Variants in GPHN observed in about 807,000 individuals in gnomAD.
The protein encoded by GPHN is gephyrin.
A neutral mutation model predicts 95.5 loss-of-function variants in GPHN; 17 were observed. The observed-to-expected ratio is 0.18, with a 90% CI of 0.12 to 0.27. The LOEUF (loss-of-function observed/expected upper bound fraction) is 0.27, where lower values mean the gene tolerates loss of function less well. Ranked by LOEUF, GPHN falls within the 10% of genes least tolerant of loss-of-function variation. The pLI, the probability that GPHN is intolerant of heterozygous loss-of-function variation, is 1.00. For missense variants in GPHN, 660 were observed against 978.1 expected (o/e 0.67, Z 4.34); for synonymous variants, 320 against 322.5 (o/e 0.99, Z 0.08).
At chr14:67,399,146 C>T in the GPHN span, among the ~76,000 whole-genome samples, 8 of 152,166 alleles carry the variant, frequency 5.3e-5, no homozygotes, top group Non-Finnish European at 8.8e-5. Flanking sequence ...AGGACTCTGA[C>T]AGTCTTACCT....
At chr14:67,186,234 G>C (rs1292786160), downstream of GPHN, among the ~76,000 whole-genome samples, 2 of 152,010 alleles carry the variant, frequency 1.3e-5, no homozygotes, top group African/African-American at 2.4e-5. Flanking sequence ...GAAGGAGAGA[G>C]ATTATGAGAA....
chr14:67,039,936 A>C (rs6573746), intron 10 of GPHN, among the ~76,000 whole-genome samples: 39,839 of 152,078 alleles, frequency 0.26, 10,707 homozygotes, highest in African/African-American at 0.66. Context: ...TACTGTGTGC[A>C]TAACATCTTT....
intron 1 of GPHN, among the ~76,000 whole-genome samples, chr14:66,623,987 C>T (rs546580142): frequency 6.6e-6 from 1 of 152,226 alleles, no homozygotes; most frequent in South Asian, 2.1e-4. Context: ...GGACACCAAC[C>T]CTGGAGCGAG....
At chr14:67,320,738 G>A in the GPHN span, among the ~76,000 whole-genome samples, 2 of 152,070 alleles carry the variant, frequency 1.3e-5, no homozygotes, top group African/African-American at 2.4e-5. Flanking sequence ...AGATTATATG[G>A]TACCTAATCT....
chr14:67,670,348 A>G, the GPHN span, among the ~76,000 whole-genome samples: 2,649 of 152,020 alleles, frequency 0.017, 32 homozygotes, highest in Non-Finnish European at 0.028. Context: ...CTACTTTCCC[A>G]CATACATTCT....
chr14:66,792,275 G>A (rs2059997554), intron 3 of GPHN, among the ~76,000 whole-genome samples: 1 of 152,154 alleles, frequency 6.6e-6, no homozygotes, highest in African/African-American at 2.4e-5. Context: ...ACCTCTGACA[G>A]GAGGATCACT....
the GPHN span, among the ~76,000 whole-genome samples, chr14:67,309,029 G>A: frequency 1.3e-5 from 2 of 152,022 alleles, no homozygotes; most frequent in Admixed American, 6.6e-5. Flanking sequence ...AGAAAATGTT[G>A]GGCTGGAAGA....
At chr14:66,939,877 T>A (rs1283117164) in intron 8 of GPHN, among the ~76,000 whole-genome samples, 1 of 152,138 alleles carries the variant, frequency 6.6e-6, no homozygotes, top group East Asian at 1.9e-4. Context: ...TCCAGTTGCA[T>A]GACCGTTTGG....
intron 1 of GPHN, among the ~76,000 whole-genome samples, chr14:66,605,786 C>A (rs1425173375): frequency 4.6e-5 from 7 of 152,100 alleles, no homozygotes; most frequent in Admixed American, 1.3e-4. Context: ...CCCGCCTCGG[C>A]CTCCCAAAGT....
chr14:67,645,920 T>G, the GPHN span: 1 of 1,168,334 alleles, frequency 8.6e-7, no homozygotes, highest in African/African-American at 1.5e-5. Flanking sequence ...ACTCCTTCAT[T>G]TGTTCATCAC....
At chr14:67,592,310 C>G in the GPHN span, 1 of 436,268 alleles carries the variant, frequency 2.3e-6, no homozygotes, top group Non-Finnish European at 4.3e-6. Flanking sequence ...CGAGATGGTG[C>G]ACACCTGTAG....
chr14:66,762,335 T>C (rs563323202), intron 2 of GPHN, among the ~76,000 whole-genome samples: 2 of 152,286 alleles, frequency 1.3e-5, no homozygotes, highest in South Asian at 4.1e-4. Context: ...CTACTTTCTC[T>C]TTAAGAATTA....
In GPHN at chr14:67,093,393, A is replaced by G. The variant is rs1030343115; in HGVS notation, c.1237+4318A>G. Among the ~76,000 whole-genome samples the G allele has an allele frequency of 9.2e-5, 14 of 152,162 alleles. No homozygotes were observed. In the East Asian group the frequency reaches 2.7e-3, roughly 29 times the overall value. On this transcript the variant is annotated intron_variant, in intron 12 of 22. Transcript: ENST00000478722. ...CCATTGTGACTTAGACCTAGTTCTT[A>G]TTCTTTCAACAGTAATCATATTTCA... is the stretch of plus-strand genomic sequence containing the variant.
chr14:67,615,498 T>C, the GPHN span: 1 of 393,106 alleles, frequency 2.5e-6, no homozygotes, highest in East Asian at 5.6e-5. Context: ...GCAAAGGAGA[T>C]CTTAAAAAGC....
chr14:66,641,504 T>C (rs1316274170), intron 1 of GPHN, among the ~76,000 whole-genome samples: 3 of 152,140 alleles, frequency 2.0e-5, no homozygotes, highest in Admixed American at 6.6e-5. Context: ...GTTTTCACTA[T>C]CCTAAATCTG....
chr14:66,953,970 G>C (rs1431244381), intron 8 of GPHN, among the ~76,000 whole-genome samples: 2 of 151,378 alleles, frequency 1.3e-5, no homozygotes, highest in African/African-American at 4.9e-5. Context: ...AGGAGGCGGA[G>C]GTTGCAGTGA....
chr14:67,606,528 T>G, the GPHN span, among the ~76,000 whole-genome samples: 740 of 152,368 alleles, frequency 4.9e-3, 36 homozygotes, highest in East Asian at 0.082. Flanking sequence ...TCAGTTTTAT[T>G]ATTTTGATCA....
At position 66,912,185 on chromosome 14, in the gene GPHN, CTTG is replaced by C. The variant is rs532960832; in HGVS notation, c.390-3809_390-3807del. On this transcript the variant is annotated intron_variant, in intron 5 of 22. Coordinates refer to ENST00000478722, the MANE Select transcript of GPHN (RefSeq NM_020806.5). ...CTTTTTGCATCAGCTTCCACCCACA[CTTG>C]TTGTTGTTTTTACCACACATATCAG... is the stretch of plus-strand genomic sequence containing the variant. 1.6e-4 allele frequency among the ~76,000 whole-genome samples: 24 copies of C among 152,228 alleles called. No individual in the cohort carries two copies. In the South Asian group the frequency reaches 1.9e-3, roughly 12 times the overall value.
chr14:66,593,300 TAAAAA>T (rs529882762), intron 1 of GPHN, among the ~76,000 whole-genome samples: 1 of 139,616 alleles, frequency 7.2e-6, no homozygotes, highest in African/African-American at 2.5e-5. Context: ...TTAAAGTATT[TAAAAA>T]AAAAAAAAAA....
Sources: allele counts gnomAD v4.1 joint callset (sites outside exome capture counted in the v4.1 genomes callset), GRCh38; gene constraint gnomAD v4.1.1; transcripts MANE v1.5; gene names NCBI Gene and HGNC (gene_info 2026-07-23, HGNC 2026-07-21).